Variants in TTC33 observed in about 807,000 individuals in gnomAD.
TTC33 encodes the protein tetratricopeptide repeat protein 33.
A neutral mutation model predicts 29.4 loss-of-function variants in TTC33; 24 were observed. The ratio of observed to expected loss-of-function variants is 0.82; its 90% confidence interval spans 0.59 to 1.15. TTC33 has a LOEUF of 1.15. Ranked by LOEUF, TTC33 falls within the 50% of genes most tolerant of loss-of-function variation. TTC33 has a pLI of 0.00. For synonymous variants in TTC33, 107 were observed against 100.3 expected (o/e 1.07, Z -0.40); for missense variants, 286 against 310.4 (o/e 0.92, Z 0.59).
intron 1 of TTC33, 137 bp downstream of exon 1, chr5:40,755,687 C>T (rs1561157884): frequency 6.5e-6 from 1 of 152,710 alleles, no homozygotes; most frequent in Non-Finnish European, 1.5e-5. Flanking sequence ...TCACAACACC[C>T]ACTCGCCTCT....
At position 40,711,578 on chromosome 5, in the gene TTC33, G is replaced by GT. The variant is rs1741899905; in HGVS notation, c.*4566dup. 1.3e-5 allele frequency among the ~76,000 whole-genome samples: 2 copies of GT among 152,010 alleles called. No individual in the cohort carries two copies. Among genetic ancestry groups the GT allele is most frequent in the Non-Finnish European group, 2.9e-5 (2 of 67,992 alleles). The stretch of plus-strand genomic sequence containing the variant: ...AACACATATGTCCACACATAGAATT[G>GT]TGATTTATATATATAGCAGCTTTAT... On this transcript the variant is annotated 3_prime_UTR_variant, in exon 5 of 5. Transcript: ENST00000337702.
At chr5:40,731,825 T>C (rs1036670577) in intron 2 of TTC33, among the ~76,000 whole-genome samples, 10 of 152,222 alleles carry the variant, frequency 6.6e-5, no homozygotes, top group African/African-American at 2.4e-4. Flanking sequence ...TGCTCCGTTC[T>C]TCATGAAGAC....
At chr5:40,731,328 C>G (rs1279300392) in intron 2 of TTC33, among the ~76,000 whole-genome samples, 4 of 151,602 alleles carry the variant, frequency 2.6e-5, no homozygotes, top group African/African-American at 9.7e-5. Context: ...TCCCTACCCA[C>G]ATATCATGCC....
chr5:40,744,431 C>T (rs1742753743), intron 2 of TTC33, among the ~76,000 whole-genome samples: 1 of 148,330 alleles, frequency 6.7e-6, no homozygotes, highest in Non-Finnish European at 1.5e-5. Flanking sequence ...GGTTCCTCAA[C>T]TTTGATTCAT....
rs1256152122 is a variant in TTC33, at chr5:40,714,823, T to C, written c.*1322A>G. The stretch of plus-strand genomic sequence containing the variant: ...CATTACTTATAAGCTCCAACAGTAG[T>C]AAGATCTTTAACATAAAGTGGGCTA... On this transcript the variant is annotated 3_prime_UTR_variant, in exon 5 of 5. Coordinates refer to ENST00000337702, the MANE Select transcript of TTC33 (RefSeq NM_012382.3). 2.0e-5 allele frequency: 3 copies of C among 152,238 alleles called. No homozygotes were observed. Among genetic ancestry groups the C allele is most frequent in the Non-Finnish European group, 4.4e-5 (3 of 67,964 alleles). The allele number at this position is 152,238 out of a possible 1,614,324, so 9.4% of individuals were successfully genotyped here. A position where few individuals can be genotyped will look rare whatever the true frequency, so the allele number is the denominator to read the frequency against.
Position 40,727,522 on chromosome 5 carries a change from A to G in TTC33, c.435+823T>C, listed in dbSNP as rs564362180. Among the ~76,000 whole-genome samples the G allele has an allele frequency of 2.6e-5, 4 of 152,276 alleles. No individual in the cohort carries two copies. The East Asian group carries it at 7.7e-4, about 29-fold the overall frequency. The stretch of plus-strand genomic sequence containing the variant: ...ACCAGTTTACGGTAAACATTACACA[A>G]TGAGTATTTCATTTGCACACATTTC... On this transcript the variant is annotated intron_variant, in intron 4 of 4. Transcript: ENST00000337702.
intron 3 of TTC33, 115 bp from the exon 4 acceptor site, chr5:40,728,591 C>A (rs116371442): frequency 2.9e-6 from 3 of 1,024,950 alleles, no homozygotes; most frequent in Non-Finnish European, 4.0e-6. Context: ...AATAGCATTT[C>A]GGTGATTTTT....
chr5:40,720,620 G>A (rs1742109252), intron 4 of TTC33, among the ~76,000 whole-genome samples: 1 of 152,184 alleles, frequency 6.6e-6, no homozygotes, highest in South Asian at 2.1e-4. Flanking sequence ...GGCAGAGTGG[G>A]AAGCCCTGGA....
intron 2 of TTC33, among the ~76,000 whole-genome samples, chr5:40,731,478 G>A (rs1742425935): frequency 6.6e-6 from 1 of 152,180 alleles, no homozygotes; most frequent in Non-Finnish European, 1.5e-5. Context: ...CACAGGGCTG[G>A]GGAGGCCTCA....
intron 2 of TTC33, among the ~76,000 whole-genome samples, chr5:40,736,785 T>C (rs1007216091): frequency 1.3e-5 from 2 of 152,080 alleles, no homozygotes; most frequent in South Asian, 2.1e-4. Flanking sequence ...GAGGTAGAAA[T>C]TGACAAAAAA....
chr5:40,741,654 TTC>T (rs1392781297), intron 2 of TTC33, among the ~76,000 whole-genome samples: 1 of 152,170 alleles, frequency 6.6e-6, no homozygotes, highest in Non-Finnish European at 1.5e-5. Flanking sequence ...TGGTTTCCTC[TTC>T]TGTGTGCCCA....
intron 1 of TTC33, among the ~76,000 whole-genome samples, chr5:40,751,603 C>T (rs1038916809): frequency 5.9e-5 from 9 of 152,222 alleles, no homozygotes; most frequent in African/African-American, 2.2e-4. Context: ...GCATTGACTT[C>T]TCTGCAGCTA....
chr5:40,732,838 C>A (rs1269778947), intron 2 of TTC33, among the ~76,000 whole-genome samples: 1 of 152,040 alleles, frequency 6.6e-6, no homozygotes, highest in African/African-American at 2.4e-5. Flanking sequence ...GAACTCTTGA[C>A]CTCAACTGAT....
chr5:40,728,215 C>A, intron 4 of TTC33, 130 bp downstream of exon 4: 3 of 646,850 alleles, frequency 4.6e-6, no homozygotes, highest in Non-Finnish European at 6.8e-6. Flanking sequence ...ACCCAGGAGG[C>A]GGAGGTTGCC....
In TTC33 at chr5:40,732,284, T is replaced by G. The variant is rs564491273; in HGVS notation, c.222-1941A>C. 3.9e-5 allele frequency among the ~76,000 whole-genome samples: 6 copies of G among 152,258 alleles called. No homozygotes were observed. The South Asian group carries it at 1.2e-3, about 32-fold the overall frequency. On this transcript the variant is annotated intron_variant, in intron 2 of 4. Coordinates refer to ENST00000337702, the MANE Select transcript of TTC33 (RefSeq NM_012382.3). ...CTCCTGCCTTGGCCTCCACAAGTGCTGAGATTACAGGGGTGAGCCACCATG... is the reference window on the plus strand; with the variant it reads ...CTCCTGCCTTGGCCTCCACAAGTGCGGAGATTACAGGGGTGAGCCACCATG...
intron 4 of TTC33, among the ~76,000 whole-genome samples, chr5:40,724,728 G>A (rs1742239640): frequency 6.6e-6 from 1 of 151,838 alleles, no homozygotes. Flanking sequence ...ATTCTTAAGT[G>A]TCAACATACA....
At chr5:40,732,756 A>G (rs1418478648) in intron 2 of TTC33, among the ~76,000 whole-genome samples, 1 of 152,072 alleles carries the variant, frequency 6.6e-6, no homozygotes, top group Middle Eastern at 3.2e-3. Flanking sequence ...CTACAGGCAC[A>G]TGCCACCACA....
intron 2 of TTC33, among the ~76,000 whole-genome samples, chr5:40,745,153 T>G (rs748276137): frequency 6.6e-6 from 1 of 152,148 alleles, no homozygotes; most frequent in African/African-American, 2.4e-5. Flanking sequence ...TAAAGAGACA[T>G]AATAACCAAA....
chr5:40,728,912 T>A (rs1742358274), intron 3 of TTC33, among the ~76,000 whole-genome samples: 1 of 152,168 alleles, frequency 6.6e-6, no homozygotes, highest in Non-Finnish European at 1.5e-5. Flanking sequence ...ATTTAAAACA[T>A]TCCCTAGGCC....
Sources: allele counts gnomAD v4.1 joint callset (sites outside exome capture counted in the v4.1 genomes callset), GRCh38; gene constraint gnomAD v4.1.1; transcripts MANE v1.5; gene names NCBI Gene and HGNC (gene_info 2026-07-23, HGNC 2026-07-21).